Variants in LTAP1 observed in about 807,000 individuals in gnomAD.
The protein encoded by LTAP1 is lipid transport auxiliary protein 1.
At chr1:154,220,251 G>T in the LTAP1 span, 2 of 1,455,012 alleles carry the variant, frequency 1.4e-6, no homozygotes, top group Non-Finnish European at 1.9e-6. Flanking sequence ...GCAGGTGAGT[G>T]GGTGGAGAAT....
chr1:154,207,349 TCTGGGCCTG>T, the LTAP1 span: 6 of 1,061,250 alleles, frequency 5.7e-6, no homozygotes, highest in African/African-American at 4.9e-5. Flanking sequence ...ATGGATACAG[TCTGGGCCTG>T]CTGGGCCAGA....
At chr1:154,211,099 C>T in the LTAP1 span, among the ~76,000 whole-genome samples, 7 of 151,702 alleles carry the variant, frequency 4.6e-5, no homozygotes, top group Admixed American at 6.6e-5. Flanking sequence ...CTCCACCTCC[C>T]GGGTTCAAGT....
the LTAP1 span, among the ~76,000 whole-genome samples, chr1:154,209,285 T>C: frequency 2.6e-5 from 4 of 151,922 alleles, no homozygotes; most frequent in African/African-American, 9.7e-5. Context: ...TTTGACTACC[T>C]AGGTATCTCA....
the LTAP1 span, among the ~76,000 whole-genome samples, chr1:154,219,289 C>G: frequency 6.6e-6 from 1 of 152,052 alleles, no homozygotes; most frequent in Non-Finnish European, 1.5e-5. Context: ...GTAGCTAAAG[C>G]CAAGGAAAGG....
chr1:154,219,292 AG>A, the LTAP1 span, among the ~76,000 whole-genome samples: 1 of 152,234 alleles, frequency 6.6e-6, no homozygotes, highest in East Asian at 1.9e-4. Context: ...GCTAAAGCCA[AG>A]GAAAGGAAGA....
the LTAP1 span, chr1:154,220,548 G>T: frequency 1.2e-6 from 1 of 831,726 alleles, no homozygotes. Flanking sequence ...AGCCAGACCC[G>T]GCCTGAAAAC....
the LTAP1 span, chr1:154,214,080 C>A: frequency 2.9e-6 from 2 of 699,048 alleles, no homozygotes; most frequent in Non-Finnish European, 4.8e-6. Context: ...GAGTTTGAGA[C>A]CAGCCTGACC....
the LTAP1 span, chr1:154,219,843 G>A: frequency 3.7e-6 from 6 of 1,606,094 alleles, no homozygotes; most frequent in Non-Finnish European, 4.2e-6. Context: ...TACCTTGGGG[G>A]CATTGTGTCC....
chr1:154,210,566 C>T, the LTAP1 span, among the ~76,000 whole-genome samples: 1 of 152,182 alleles, frequency 6.6e-6, no homozygotes, highest in East Asian at 1.9e-4. Flanking sequence ...CAACCTCCAC[C>T]TCCCAGGTTC....
At chr1:154,219,844 C>T in the LTAP1 span, 1 of 1,606,476 alleles carries the variant, frequency 6.2e-7, no homozygotes, top group Non-Finnish European at 8.5e-7. Flanking sequence ...ACCTTGGGGG[C>T]ATTGTGTCCC....
chr1:154,209,230 C>G, the LTAP1 span, among the ~76,000 whole-genome samples: 1 of 152,122 alleles, frequency 6.6e-6, no homozygotes, highest in African/African-American at 2.4e-5. Flanking sequence ...CTATTTCCCC[C>G]ACTCTCCAGC....
chr1:154,209,632 G>A, the LTAP1 span, among the ~76,000 whole-genome samples: 1 of 151,868 alleles, frequency 6.6e-6, no homozygotes, highest in African/African-American at 2.4e-5. Context: ...TGTTGCCCAG[G>A]CTGGAGTGCA....
the LTAP1 span, chr1:154,220,411 C>A: frequency 4.3e-6 from 7 of 1,614,230 alleles, no homozygotes; most frequent in Non-Finnish European, 5.9e-6. Flanking sequence ...ACGCCATGGC[C>A]TCCCTACCTC....
the LTAP1 span, chr1:154,220,342 C>G: frequency 1.2e-6 from 2 of 1,614,200 alleles, no homozygotes; most frequent in Non-Finnish European, 1.7e-6. Flanking sequence ...ATCTCCTCAC[C>G]AGGCTCCCGT....
chr1:154,207,441 C>T, the LTAP1 span: 1 of 1,613,336 alleles, frequency 6.2e-7, no homozygotes, highest in Non-Finnish European at 8.5e-7. Flanking sequence ...CGGCAAGAGT[C>T]CTTCAGCTCC....
At chr1:154,214,643 G>A in the LTAP1 span, 4 of 972,382 alleles carry the variant, frequency 4.1e-6, no homozygotes, top group Admixed American at 2.0e-5. Flanking sequence ...GTGAAAATGG[G>A]GCAGAGTTAA....
chr1:154,210,742 G>T, the LTAP1 span, among the ~76,000 whole-genome samples: 1 of 152,144 alleles, frequency 6.6e-6, no homozygotes, highest in African/African-American at 2.4e-5. Flanking sequence ...GCCTCCCAGT[G>T]TTGGGATTAC....
the LTAP1 span, chr1:154,211,782 C>A: frequency 6.5e-6 from 1 of 154,404 alleles, no homozygotes; most frequent in Admixed American, 6.3e-5. Context: ...AAACAAAAGA[C>A]AAGAAAAATG....
At chr1:154,211,941 C>G in the LTAP1 span, 1 of 203,026 alleles carries the variant, frequency 4.9e-6, no homozygotes, top group East Asian at 1.2e-4. Context: ...ACCGCAACCT[C>G]CGCCTCCCGG....
Sources: allele counts gnomAD v4.1 joint callset (sites outside exome capture counted in the v4.1 genomes callset), GRCh38; gene constraint gnomAD v4.1.1; transcripts MANE v1.5; gene names NCBI Gene and HGNC (gene_info 2026-07-23, HGNC 2026-07-21).